The following NRXN3 variants were observed in gnomAD, a reference collection of about 807,000 sequenced individuals.
NRXN3 encodes the protein neurexin 3, also known as neurexin III.
NRXN3 carries 32 observed loss-of-function variants against 137.6 expected under a neutral mutation model. That is an observed-to-expected ratio of 0.23 (90% CI 0.18 to 0.31). NRXN3 has a LOEUF of 0.31. Ranked by LOEUF, NRXN3 falls within the 10% of genes least tolerant of loss-of-function variation. NRXN3 has a pLI of 1.00. For missense variants in NRXN3, 1,574 were observed against 2,062.5 expected (o/e 0.76, Z 4.59); for synonymous variants, 798 against 784.5 (o/e 1.02, Z -0.29).
chr14:79,275,128 C>T (rs17109013), intron 15 of NRXN3, among the ~76,000 whole-genome samples: 8,132 of 152,100 alleles, frequency 0.053, 574 homozygotes, highest in African/African-American at 0.16. Flanking sequence ...AAAGCAAAGT[C>T]GAACTGTTTT....
intron 4 of NRXN3, among the ~76,000 whole-genome samples, chr14:78,377,204 GAAAATGATAGGAA>G (rs906480338): frequency 1.4e-4 from 21 of 152,174 alleles, no homozygotes; most frequent in African/African-American, 3.9e-4. Context: ...TAGACAAAAT[GAAAATGATAGGAA>G]AATATATATT....
At chr14:79,390,718 A>G (rs999044288) in intron 15 of NRXN3, among the ~76,000 whole-genome samples, 9 of 152,160 alleles carry the variant, frequency 5.9e-5, no homozygotes, top group African/African-American at 2.2e-4. Context: ...CATTATGTGC[A>G]CATACATTTA....
chr14:79,866,582 G>A lies in NRXN3; in HGVS notation c.*4618G>A, dbSNP rs1457001626. 1.3e-5 allele frequency: 2 copies of A among 152,198 alleles called. No homozygotes were observed. Among genetic ancestry groups the A allele is most frequent in the East Asian group, 1.9e-4 (1 of 5,194 alleles). The allele number at this position is 152,198 out of a possible 1,614,324, so 9.4% of individuals were successfully genotyped here. A position where few individuals can be genotyped will look rare whatever the true frequency, so the allele number is the denominator to read the frequency against. On this transcript the variant is annotated 3_prime_UTR_variant, in exon 21 of 21. Coordinates refer to ENST00000335750, the MANE Select transcript of NRXN3 (RefSeq NM_001330195.2). The stretch of plus-strand genomic sequence containing the variant: ...AAAAGTACATTGGAGGAAGATATGA[G>A]TAGGAAGGTTTTTGAAATCATGTCA...
chr14:78,957,560 A>G (rs1351863782), intron 11 of NRXN3, among the ~76,000 whole-genome samples, 199 bp downstream of exon 11: 1 of 152,240 alleles, frequency 6.6e-6, no homozygotes, highest in Non-Finnish European at 1.5e-5. Context: ...TGCGTTATGG[A>G]AATTACCTAC....
intron 15 of NRXN3, among the ~76,000 whole-genome samples, chr14:79,052,412 G>A (rs1028323400): frequency 6.6e-6 from 1 of 152,236 alleles, no homozygotes. Flanking sequence ...CAGAGGACCT[G>A]AGACTTGCGG....
At chr14:78,393,287 T>C (rs2091009290) in intron 4 of NRXN3, among the ~76,000 whole-genome samples, 1 of 152,088 alleles carries the variant, frequency 6.6e-6, no homozygotes, top group African/African-American at 2.4e-5. Flanking sequence ...AAGTACACTT[T>C]ATACAGTTTC....
chr14:79,403,058 G>C (rs541060202), intron 15 of NRXN3, among the ~76,000 whole-genome samples: 2 of 152,216 alleles, frequency 1.3e-5, no homozygotes, highest in East Asian at 3.9e-4. Flanking sequence ...TGTTTCTTTT[G>C]GGGGGTGAAT....
At chr14:79,532,578 G>A (rs567327455) in intron 16 of NRXN3, among the ~76,000 whole-genome samples, 4 of 152,194 alleles carry the variant, frequency 2.6e-5, no homozygotes, top group Admixed American at 6.5e-5. Flanking sequence ...TTGTTACGAC[G>A]GCTTACTCTG....
intron 1 of NRXN3, among the ~76,000 whole-genome samples, chr14:78,190,233 T>A (rs1386497996): frequency 3.3e-5 from 5 of 152,236 alleles, no homozygotes; most frequent in Non-Finnish European, 5.9e-5. Context: ...CTATCCTCAG[T>A]TCCCTTTCAG....
chr14:79,752,687 G>A (rs1306431746), intron 19 of NRXN3, among the ~76,000 whole-genome samples: 1 of 152,032 alleles, frequency 6.6e-6, no homozygotes, highest in Non-Finnish European at 1.5e-5. Context: ...AACACCAAAA[G>A]CAATGGCAAC....
chr14:78,666,999 T>C (rs2097892727), intron 6 of NRXN3, among the ~76,000 whole-genome samples: 1 of 152,190 alleles, frequency 6.6e-6, no homozygotes, highest in South Asian at 2.1e-4. Context: ...CTATAACTTG[T>C]TTATTTGGTT....
intron 4 of NRXN3, among the ~76,000 whole-genome samples, chr14:78,615,528 G>A (rs909389149): frequency 3.9e-5 from 6 of 152,030 alleles, no homozygotes; most frequent in Admixed American, 6.6e-5. Context: ...GGAGAATGGC[G>A]TGAACCCGGG....
intron 4 of NRXN3, among the ~76,000 whole-genome samples, chr14:78,576,129 A>G (rs1450090745): frequency 6.6e-6 from 1 of 152,236 alleles, no homozygotes; most frequent in African/African-American, 2.4e-5. Flanking sequence ...TGCATTAATA[A>G]TACAGCTGTC....
intron 16 of NRXN3, among the ~76,000 whole-genome samples, chr14:79,578,498 G>A (rs536954262): frequency 1.3e-5 from 2 of 152,216 alleles, no homozygotes; most frequent in South Asian, 2.1e-4. Context: ...AAGCCGCATC[G>A]TTGGTGTGAC....
chr14:79,785,697 G>A (rs1395009453), intron 19 of NRXN3, among the ~76,000 whole-genome samples: 1 of 151,864 alleles, frequency 6.6e-6, no homozygotes, highest in Non-Finnish European at 1.5e-5. Flanking sequence ...ACTTCATATG[G>A]CTTTTGGTTT....
At chr14:79,451,582 G>T (rs1318054054) in intron 15 of NRXN3, among the ~76,000 whole-genome samples, 2 of 152,190 alleles carry the variant, frequency 1.3e-5, no homozygotes, top group Non-Finnish European at 1.5e-5. Context: ...TACCATAGAA[G>T]TCTTATGAGC....
intron 19 of NRXN3, among the ~76,000 whole-genome samples, chr14:79,769,275 C>G (rs539033560): frequency 6.7e-4 from 100 of 150,294 alleles, no homozygotes; most frequent in African/African-American, 2.3e-3. Flanking sequence ...ACAGAGAACG[C>G]CACAAAGATA....
At chr14:79,183,314 G>A (rs746578844) in intron 15 of NRXN3, among the ~76,000 whole-genome samples, 4 of 152,138 alleles carry the variant, frequency 2.6e-5, no homozygotes, top group Non-Finnish European at 5.9e-5. Context: ...GAATTAGCCA[G>A]TTCAACCCAA....
intron 15 of NRXN3, among the ~76,000 whole-genome samples, chr14:79,227,100 G>T (rs2071049954): frequency 1.3e-5 from 2 of 151,890 alleles, no homozygotes; most frequent in Admixed American, 6.6e-5. Flanking sequence ...TTACAGGCGT[G>T]AGCCACCGCG....
Sources: allele counts gnomAD v4.1 joint callset (sites outside exome capture counted in the v4.1 genomes callset), GRCh38; gene constraint gnomAD v4.1.1; transcripts MANE v1.5; gene names NCBI Gene and HGNC (gene_info 2026-07-23, HGNC 2026-07-21).